Variants in EXOC4 observed in about 807,000 individuals in gnomAD.
EXOC4 encodes SEC8-like 1.
Under a neutral mutation model 107.2 loss-of-function variants are expected in EXOC4, and 71 were observed. The observed-to-expected ratio is 0.66, with a 90% CI of 0.55 to 0.81. The LOEUF (loss-of-function observed/expected upper bound fraction) is 0.81. Ranked by LOEUF, EXOC4 falls within the 30% of genes least tolerant of loss-of-function variation. The pLI is 0.00. For synonymous variants in EXOC4, 456 were observed against 441.2 expected, an observed-to-expected ratio of 1.03 and a Z score of -0.42; for missense variants, 1,108 against 1,189.6, an observed-to-expected ratio of 0.93 and a Z score of 1.01.
At chr7:133,688,112 T>C (rs2014037) in intron 10 of EXOC4, among the ~76,000 whole-genome samples, 150,284 of 152,256 alleles carry the variant, frequency 0.99, 74,209 homozygotes, top group Middle Eastern at 1. Context: ...ATTGAGATAC[T>C]TATAATGCAA....
At chr7:133,593,831 A>G (rs1213866038) in intron 9 of EXOC4, among the ~76,000 whole-genome samples, 1 of 152,236 alleles carries the variant, frequency 6.6e-6, no homozygotes, top group Non-Finnish European at 1.5e-5. Flanking sequence ...TTATTAAGCA[A>G]ACAGAAGTAG....
intron 9 of EXOC4, among the ~76,000 whole-genome samples, chr7:133,629,070 C>T (rs1563132571): frequency 6.6e-6 from 1 of 152,098 alleles, no homozygotes; most frequent in Non-Finnish European, 1.5e-5. Flanking sequence ...CCTTAACAAA[C>T]TTATTTTTCT....
intron 7 of EXOC4, among the ~76,000 whole-genome samples, chr7:133,450,792 C>T (rs559504925): frequency 1.3e-5 from 2 of 152,114 alleles, no homozygotes; most frequent in South Asian, 2.1e-4. Flanking sequence ...AAACATAAAT[C>T]GTTTTCCATG....
At chr7:133,781,922 T>A (rs2345951) in intron 10 of EXOC4, among the ~76,000 whole-genome samples, 1 of 152,200 alleles carries the variant, frequency 6.6e-6, no homozygotes, top group Non-Finnish European at 1.5e-5. Context: ...CACAAAAAAG[T>A]TTTTATTGTG....
chr7:133,469,201 A>G (rs995449911), intron 7 of EXOC4, among the ~76,000 whole-genome samples: 10 of 152,106 alleles, frequency 6.6e-5, no homozygotes, highest in Non-Finnish European at 1.3e-4. Context: ...GTGGATCACG[A>G]GGTCAGGAGA....
chr7:133,767,059 T>C (rs938858699), intron 10 of EXOC4, among the ~76,000 whole-genome samples: 1 of 151,962 alleles, frequency 6.6e-6, no homozygotes, highest in Non-Finnish European at 1.5e-5. Context: ...AGCTGCTCCT[T>C]CTTTTTGCAT....
At chr7:133,647,751 T>TCTGATAATCCACAGTCAAA (rs1803029779) in intron 10 of EXOC4, among the ~76,000 whole-genome samples, 1 of 152,114 alleles carries the variant, frequency 6.6e-6, no homozygotes, top group Non-Finnish European at 1.5e-5. Context: ...GATAATCCAC[T>TCTGATAATCCACAGTCAAA]CTGATAATCC....
chr7:133,715,120 A>C (rs991322196), intron 10 of EXOC4, among the ~76,000 whole-genome samples: 3 of 152,174 alleles, frequency 2.0e-5, no homozygotes, highest in Admixed American at 6.5e-5. Context: ...GAGAATGGAA[A>C]CTGTGGGCAG....
At chr7:133,608,550 T>C (rs796952150) in intron 9 of EXOC4, among the ~76,000 whole-genome samples, 6 of 141,344 alleles carry the variant, frequency 4.2e-5, no homozygotes, top group African/African-American at 1.1e-4. Flanking sequence ...GTATTTCTTT[T>C]TTTTTTTTTT....
In EXOC4 at chr7:133,270,167, G is replaced by A. The variant is rs539465934; in HGVS notation, c.87-4815G>A. 5.9e-5 allele frequency among the ~76,000 whole-genome samples: 9 copies of A among 152,222 alleles called. No homozygotes were observed. The South Asian group carries it at 1.9e-3, about 32-fold the overall frequency. ...GCTCTATTCTCTTGTCTGCTGCCACGTGAGATGTGCCTTTCACCTTCTGCC... is the reference window on the plus strand; with the variant it reads ...GCTCTATTCTCTTGTCTGCTGCCACATGAGATGTGCCTTTCACCTTCTGCC... On this transcript the variant is annotated intron_variant, in intron 1 of 17. Transcript: ENST00000253861.
At chr7:134,032,721 A>C (rs1350174618) in intron 17 of EXOC4, among the ~76,000 whole-genome samples, 2 of 152,172 alleles carry the variant, frequency 1.3e-5, no homozygotes, top group African/African-American at 4.8e-5. Flanking sequence ...TCTCTTCTGT[A>C]CTGGTTACTG....
At chr7:133,335,782 A>G (rs1330087747) in intron 5 of EXOC4, among the ~76,000 whole-genome samples, 1 of 152,196 alleles carries the variant, frequency 6.6e-6, no homozygotes, top group East Asian at 1.9e-4. Flanking sequence ...CAGGTATACC[A>G]TTTTATATTC....
intron 10 of EXOC4, among the ~76,000 whole-genome samples, chr7:133,747,660 G>T (rs1448774493): frequency 6.6e-6 from 1 of 152,152 alleles, no homozygotes; most frequent in Non-Finnish European, 1.5e-5. Flanking sequence ...TGATGGTGAT[G>T]TACCTTTCTG....
chr7:133,795,575 C>T (rs899779410), intron 10 of EXOC4, among the ~76,000 whole-genome samples: 1 of 152,194 alleles, frequency 6.6e-6, no homozygotes, highest in African/African-American at 2.4e-5. Flanking sequence ...ACAGCCAGGC[C>T]AGAATCCAGG....
At chr7:133,674,246 A>T (rs1250867714) in intron 10 of EXOC4, among the ~76,000 whole-genome samples, 2 of 152,190 alleles carry the variant, frequency 1.3e-5, no homozygotes, top group Non-Finnish European at 2.9e-5. Context: ...AATGGAAATG[A>T]GAGTGGATTA....
chr7:133,352,269 G>A (rs1038721766), intron 5 of EXOC4, among the ~76,000 whole-genome samples: 1 of 151,918 alleles, frequency 6.6e-6, no homozygotes, highest in Non-Finnish European at 1.5e-5. Context: ...GTAGGGTATT[G>A]AAGTCTTCAA....
At chr7:133,980,035 T>C (rs1005025554) in intron 14 of EXOC4, among the ~76,000 whole-genome samples, 8 of 152,170 alleles carry the variant, frequency 5.3e-5, no homozygotes, top group Non-Finnish European at 7.3e-5. Context: ...CCTTTTTATG[T>C]ATGAAAAGAT....
chr7:133,672,747 A>G (rs1793975266), intron 10 of EXOC4, among the ~76,000 whole-genome samples: 1 of 152,190 alleles, frequency 6.6e-6, no homozygotes, highest in East Asian at 1.9e-4. Context: ...AAGTGAAGAA[A>G]GTGTTTTAAT....
intron 10 of EXOC4, among the ~76,000 whole-genome samples, chr7:133,631,802 C>T (rs1384436220): frequency 6.6e-6 from 1 of 152,000 alleles, no homozygotes; most frequent in Admixed American, 6.5e-5. Flanking sequence ...TTTTCACTGT[C>T]TTCTTCAATT....
Sources: allele counts gnomAD v4.1 joint callset (sites outside exome capture counted in the v4.1 genomes callset), GRCh38; gene constraint gnomAD v4.1.1; transcripts MANE v1.5; gene names NCBI Gene and HGNC (gene_info 2026-07-23, HGNC 2026-07-21).